UTP25: variants seen among roughly 807,000 people sequenced by gnomAD.
UTP25 encodes UTP25 small subunit processome component.
In UTP25, 50 loss-of-function variants were observed where a neutral mutation model predicts 78.9. The ratio of observed to expected loss-of-function variants is 0.63; its 90% CI spans 0.50 to 0.80. The LOEUF (loss-of-function observed/expected upper bound fraction) is 0.80, where lower values mean the gene tolerates loss of function less well. UTP25 is among the 30% of genes least tolerant of loss of function. The probability of loss-of-function intolerance (pLI) is 0.00; values close to 1 mark genes in which losing one functional copy is unlikely to be tolerated. For synonymous variants in UTP25, 329 were observed against 336.5 expected (o/e 0.98, Z 0.24); for missense variants, 846 against 911.3 (o/e 0.93, Z 0.92).
Position 209,856,936 on chromosome 1 carries a change from C to T in UTP25, c.*5489C>T, listed in dbSNP as rs2078281139. On this transcript the variant is annotated 3_prime_UTR_variant, in exon 12 of 12. Coordinates refer to ENST00000491415, the MANE Select transcript of UTP25 (RefSeq NM_014388.7). ...TAATTAGCAAGAGAACAGACTTCAG[C>T]TCTCTGAAGGCTGATGACCACCTGT... The T allele has an allele frequency of 6.6e-6, 1 of 152,228 alleles. No homozygotes were observed. Among genetic ancestry groups the T allele is most frequent in the Non-Finnish European group, 1.5e-5 (1 of 68,042 alleles). 9.4% of individuals were successfully genotyped at this position (152,228 alleles called of 1,614,324 possible).
Position 209,839,903 on chromosome 1 carries a change from AG to A in UTP25, c.1282+778del, listed in dbSNP as rs1453195657. On this transcript the variant is annotated intron_variant, in intron 7 of 11. Coordinates refer to ENST00000491415, the MANE Select transcript of UTP25 (RefSeq NM_014388.7). ...AAACCCCCTTACCCAAAATGGGGGC[AG>A]GGTGGTTAGGGAAGATGTCGTGGTG... is the stretch of plus-strand genomic sequence containing the variant. Among the ~76,000 whole-genome samples the A allele has an allele frequency of 5.9e-5, 9 of 152,298 alleles. No individual in the cohort carries two copies. In the South Asian group the frequency reaches 6.2e-4, roughly 11 times the overall value.
chr1:209,848,094 C>A (rs1481318247), intron 11 of UTP25, among the ~76,000 whole-genome samples: 1 of 152,156 alleles, frequency 6.6e-6, no homozygotes, highest in Non-Finnish European at 1.5e-5. Context: ...AATCCAAATG[C>A]CCAGGTCACA....
rs1265969987 is a variant in UTP25, at chr1:209,835,120, T to C, written c.608T>C (p.Ile203Thr). ...AACAAAGAACTGAAAGAAAAAGCAA[T>C]TCAGGCTGTTGCCACAAATCCCAAA... ...HVNKELKEKA[I>T]QAVATNPKTT... Residue 203 changes from isoleucine (I) to threonine (T), a missense_variant, in exon 5 of 12, where the codon ATT (isoleucine) becomes ACT (threonine). By Grantham distance (89) the Ile-to-Thr change is moderately conservative (BLOSUM62 -1). Coordinates refer to ENST00000491415, the MANE Select transcript of UTP25 (RefSeq NM_014388.7). 4 of 1,613,700 alleles carry C rather than the reference T, an allele frequency of 2.5e-6. No homozygotes were observed. Among genetic ancestry groups the C allele is most frequent in the Non-Finnish European group, 3.4e-6 (4 of 1,179,776 alleles).
chr1:209,842,650 T>C lies in UTP25; in HGVS notation c.1736T>C (p.Phe579Ser), dbSNP rs768017515. ...GTCCTGGTGCAGCTCCCACATGTCT[T>C]CCAGAGGATGGAAGCTGAAAACCTA... ...SHVLVQLPHV[F>S]QRMEAENLAS... The change falls in exon 10 of 12, where the codon TTC becomes TCC. Residue 579 changes from phenylalanine (F) to serine (S), a missense_variant. By Grantham distance (155) the Phe-to-Ser change is radical. Transcript: ENST00000491415. The C allele has an allele frequency of 1.9e-6, 3 of 1,613,704 alleles. No homozygotes were observed. The highest frequency in any genetic ancestry group is 2.5e-6 in the Non-Finnish European group (3 of 1,179,896).
At position 209,851,437 on chromosome 1, in the gene UTP25, G is replaced by A; in HGVS notation, c.2261G>A (p.Gly754Glu). Residue 754 changes from glycine to glutamate, a missense_variant, in exon 12 of 12, where the codon GGA (glycine) becomes GAA (glutamate). Transcript: ENST00000491415. ...SNKNVHLFITGEK is the reference protein window; with the variant it reads ...SNKNVHLFITEEK ...AAGAATGTCCACCTCTTCATTACTG[G>A]AGAAAAATGAAATTTTGTTGGGCAG... 2.5e-6 allele frequency: 4 copies of A among 1,601,486 alleles called. No homozygotes were observed. The highest frequency in any genetic ancestry group is 3.4e-6 in the Non-Finnish European group (4 of 1,174,050).
rs1407739978 is a variant in UTP25 at position 209,852,546 on chromosome 1, A to C, written c.*1099A>C. Reference sequence around the variant, plus strand: ...ACATCATTATTTCTTTAGATGCGTAACTGGTCTCAAATATGGCCGCTGGGA... The same window carrying C: ...ACATCATTATTTCTTTAGATGCGTACCTGGTCTCAAATATGGCCGCTGGGA... On this transcript the variant is annotated 3_prime_UTR_variant, in exon 12 of 12. Transcript: ENST00000491415. 1 of 152,188 alleles carries C rather than the reference A, an allele frequency of 6.6e-6. No individual in the cohort carries two copies. Among genetic ancestry groups the C allele is most frequent in the Non-Finnish European group, 1.5e-5 (1 of 68,042 alleles). 9.4% of individuals were successfully genotyped at this position (152,188 alleles called of 1,614,324 possible).
At position 209,842,265 on chromosome 1, in the gene UTP25, C is replaced by T. The variant is rs903522654; in HGVS notation, c.1486C>T (p.His496Tyr). Residue 496 changes from histidine to tyrosine, a missense_variant and splice_region_variant, in exon 9 of 12, where the codon CAT becomes TAT. Physicochemically the swap from His to Tyr is moderately conservative, Grantham distance 83. Coordinates refer to ENST00000491415, the MANE Select transcript of UTP25 (RefSeq NM_014388.7). ...ATGGTAATATTATTTCCACTCAAAG[C>T]ATTTGATGAATCACATGAACCTACT... ...YLMQNWEHVL[H>Y]LMNHMNLLPL... 3.1e-6 allele frequency: 5 copies of T among 1,613,128 alleles called. No individual in the cohort carries two copies. The highest frequency in any genetic ancestry group is 4.2e-6 in the Non-Finnish European group (5 of 1,179,806).
At chr1:209,829,853 G>A (rs920387523) in intron 1 of UTP25, among the ~76,000 whole-genome samples, 5 of 152,126 alleles carry the variant, frequency 3.3e-5, no homozygotes, top group African/African-American at 1.2e-4. Flanking sequence ...ATTTAGCCAA[G>A]TTGTATCCTT....
At chr1:209,847,601 A>G (rs1055925896) in intron 11 of UTP25, among the ~76,000 whole-genome samples, 8 of 152,252 alleles carry the variant, frequency 5.3e-5, no homozygotes, top group African/African-American at 1.9e-4. Flanking sequence ...TGTCACCAAA[A>G]TGACCATTAT....
chr1:209,848,504 C>T (rs776579535), intron 11 of UTP25, among the ~76,000 whole-genome samples: 27 of 151,936 alleles, frequency 1.8e-4, no homozygotes, highest in Non-Finnish European at 3.1e-4. Context: ...TATAATAATA[C>T]GCAAAACATC....
intron 4 of UTP25, 121 bp downstream of exon 4, chr1:209,833,479 T>G: frequency 1.2e-6 from 1 of 845,280 alleles, no homozygotes; most frequent in Non-Finnish European, 1.7e-6. Flanking sequence ...TGGCTAGATC[T>G]AGAGCTGGGA....
intron 11 of UTP25, 49 bp from the exon 12 acceptor site, chr1:209,851,155 A>G (rs373191986): frequency 1.3e-6 from 2 of 1,572,764 alleles, no homozygotes; most frequent in South Asian, 1.2e-5. Context: ...TAGTTTTTCT[A>G]GAACTTGTTT....
chr1:209,840,114 A>T (rs1279474934), intron 7 of UTP25, among the ~76,000 whole-genome samples: 1 of 152,218 alleles, frequency 6.6e-6, no homozygotes, highest in Non-Finnish European at 1.5e-5. Flanking sequence ...GCATAAGGAG[A>T]CAAGAGCTCG....
intron 6 of UTP25, 140 bp downstream of exon 6, chr1:209,837,351 T>C: frequency 3.1e-6 from 3 of 982,242 alleles, no homozygotes; most frequent in Non-Finnish European, 4.4e-6. Flanking sequence ...GCATATTAAG[T>C]AGGCCAGGTA....
At chr1:209,850,235 C>T (rs1490370916) in intron 11 of UTP25, among the ~76,000 whole-genome samples, 1 of 152,134 alleles carries the variant, frequency 6.6e-6, no homozygotes, top group East Asian at 1.9e-4. Flanking sequence ...GTTTTGAGAA[C>T]TAGTGAGGTA....
chr1:209,848,976 G>T (rs189565581), intron 11 of UTP25, among the ~76,000 whole-genome samples: 2 of 152,150 alleles, frequency 1.3e-5, no homozygotes, highest in Non-Finnish European at 2.9e-5. Context: ...AGTGGGCTTG[G>T]TGTAGGGTCT....
At chr1:209,832,483 T>C (rs546821841) in intron 3 of UTP25, among the ~76,000 whole-genome samples, 73 of 152,362 alleles carry the variant, frequency 4.8e-4, no homozygotes, top group African/African-American at 1.6e-3. Context: ...CATCCTCTCA[T>C]GTACATCTTA....
intron 1 of UTP25, among the ~76,000 whole-genome samples, chr1:209,828,754 CACAT>C (rs1385846667): frequency 1.8e-4 from 27 of 148,560 alleles, no homozygotes; most frequent in African/African-American, 6.7e-4. Flanking sequence ...TTTGTAGACA[CACAT>C]ATATATATGT....
At chr1:209,837,519 A>C (rs1273577958) in intron 6 of UTP25, among the ~76,000 whole-genome samples, 1 of 152,222 alleles carries the variant, frequency 6.6e-6, no homozygotes, top group Non-Finnish European at 1.5e-5. Context: ...GTGGTTGTCA[A>C]AGCTGGATGG....
Sources: gnomAD v4.1 joint callset for allele counts (sites outside exome capture counted in the v4.1 genomes callset) on GRCh38, gnomAD v4.1.1 for gene constraint, MANE v1.5 for transcripts, NCBI Gene and HGNC (gene_info 2026-07-23, HGNC 2026-07-21) for gene names.